ZC4H2: variants seen among roughly 807,000 people sequenced by gnomAD.
The protein encoded by ZC4H2 is zinc finger C4H2 domain-containing protein.
For synonymous variants in ZC4H2, 84 were observed against 66.3 expected (o/e 1.27, Z -1.30); for missense variants, 137 against 173.9 (o/e 0.79, Z 1.19).
chrX:64,926,962 C>T (rs1295791322), intron 1 of ZC4H2, among the ~76,000 whole-genome samples: 1 of 111,513 alleles, frequency 9.0e-6, no homozygotes, highest in Non-Finnish European at 1.9e-5. Flanking sequence ...TATTTGTTTT[C>T]TCACTGTTGA....
At chrX:64,948,855 T>C (rs760117627) in intron 1 of ZC4H2, among the ~76,000 whole-genome samples, 4 of 112,200 alleles carry the variant, frequency 3.6e-5, no homozygotes, top group African/African-American at 1.3e-4. Flanking sequence ...TAAATGATTG[T>C]TTTAAATTAC....
intron 1 of ZC4H2, among the ~76,000 whole-genome samples, chrX:64,943,077 C>G (rs963342408): frequency 9.0e-6 from 1 of 111,599 alleles, no homozygotes; most frequent in Non-Finnish European, 1.9e-5. Context: ...CTCTAATGAC[C>G]AGTGATGATG....
At chrX:64,968,829 A>G (rs896848798) in intron 1 of ZC4H2, among the ~76,000 whole-genome samples, 5 of 111,215 alleles carry the variant, frequency 4.5e-5, no homozygotes, top group African/African-American at 1.6e-4. Context: ...TAATTTGTAA[A>G]GAACAAAAAT....
chrX:65,008,816 G>A (rs1195645905), intron 1 of ZC4H2, among the ~76,000 whole-genome samples: 4 of 111,729 alleles, frequency 3.6e-5, no homozygotes, highest in Non-Finnish European at 7.5e-5. Flanking sequence ...TGGAAGGGTA[G>A]TGTGGAGGTT....
chrX:64,934,303 T>C (rs1288648530), intron 1 of ZC4H2, among the ~76,000 whole-genome samples: 11 of 112,464 alleles, frequency 9.8e-5, no homozygotes, highest in Non-Finnish European at 1.7e-4. Context: ...GCCTGAAGAT[T>C]CAATTTTTGG....
chrX:64,974,853 A>G (rs1391486110), intron 1 of ZC4H2, among the ~76,000 whole-genome samples: 4 of 107,716 alleles, frequency 3.7e-5, no homozygotes, highest in Non-Finnish European at 7.7e-5. Context: ...GCTTGGTGAG[A>G]GTGGAAGTCT....
At chrX:64,988,469 A>G (rs994568322) in intron 1 of ZC4H2, among the ~76,000 whole-genome samples, 1 of 111,326 alleles carries the variant, frequency 9.0e-6, no homozygotes, top group African/African-American at 3.3e-5. Flanking sequence ...TTTGATTTGC[A>G]TTTCTCTGAT....
intron 1 of ZC4H2, among the ~76,000 whole-genome samples, chrX:64,975,297 CAAG>C (rs900407527): frequency 9.0e-6 from 1 of 111,344 alleles, no homozygotes; most frequent in African/African-American, 3.3e-5. Flanking sequence ...TGCAACCCCT[CAAG>C]AAGAAGAAGA....
At chrX:64,961,603 T>A (rs963833589) in intron 1 of ZC4H2, among the ~76,000 whole-genome samples, 4 of 109,796 alleles carry the variant, frequency 3.6e-5, no homozygotes, top group Admixed American at 9.8e-5. Context: ...ATAAGCCAAA[T>A]AAAGAATCAA....
intron 1 of ZC4H2, among the ~76,000 whole-genome samples, chrX:64,957,959 C>A (rs1931222944): frequency 8.9e-6 from 1 of 112,016 alleles, no homozygotes; most frequent in African/African-American, 3.2e-5. Flanking sequence ...TGTCTCCCAA[C>A]TCTACATCTT....
intron 1 of ZC4H2, among the ~76,000 whole-genome samples, chrX:64,960,653 A>T (rs774288850): frequency 8.7e-4 from 98 of 112,461 alleles, no homozygotes; most frequent in Non-Finnish European, 1.6e-3. Flanking sequence ...GAATACAAAT[A>T]CATGCAGCAA....
intron 1 of ZC4H2, among the ~76,000 whole-genome samples, chrX:64,946,806 A>C (rs1445674715): frequency 9.0e-6 from 1 of 111,537 alleles, no homozygotes; most frequent in African/African-American, 3.3e-5. Flanking sequence ...TAAATGTTTC[A>C]TTCATTTCTT....
rs939628207 is a variant in ZC4H2 at position 64,992,793 on chromosome X, C to T, written c.-272+41836G>A. Among the ~76,000 whole-genome samples the T allele has an allele frequency of 1.3e-4, 14 of 111,537 alleles. 1 individual carries two copies. In the Admixed American group the frequency reaches 1.3e-3, roughly 11 times the overall value. ...TCGTCATTCTCCAACCTGCTTTTAC[C>T]GTCTGCTAACACCCTTACTTAAGAC... On this transcript the variant is annotated intron_variant, in intron 1 of 4. Transcript: ENST00000337990.
At chrX:65,021,782 G>C (rs1170215962) in intron 1 of ZC4H2, among the ~76,000 whole-genome samples, 1 of 110,889 alleles carries the variant, frequency 9.0e-6, no homozygotes, top group African/African-American at 3.3e-5. Context: ...CCACAAGCCA[G>C]ACTAATAAAG....
At position 64,994,024 on chromosome X, in the gene ZC4H2, G is replaced by A. The variant is rs768698293; in HGVS notation, c.-272+40605C>T. On this transcript the variant is annotated intron_variant, in intron 1 of 4. Transcript: ENST00000337990. ...AAGATAATTATTTCCCATGAAAAAG[G>A]TCTATATCAGAATTTTAAAATGTTT... Among the ~76,000 whole-genome samples, 65 of 111,832 alleles carry A rather than the reference G, an allele frequency of 5.8e-4. 1 individual carries two copies. The highest frequency in any genetic ancestry group is 2.6e-3 in the South Asian group (7 of 2,656).
At chrX:64,976,532 G>C (rs1464982165), upstream of ZC4H2, 6 of 536,736 alleles carry the variant, frequency 1.1e-5, no homozygotes, top group Non-Finnish European at 1.9e-5. Flanking sequence ...CGGAGCTTCA[G>C]GGCCAGCCAG....
At chrX:65,032,626 G>A (rs994606184) in intron 1 of ZC4H2, among the ~76,000 whole-genome samples, 58 of 111,221 alleles carry the variant, frequency 5.2e-4, no homozygotes, top group Non-Finnish European at 1.0e-3. Context: ...ACTCTTTTTC[G>A]CCTTTCCAAT....
rs373144164 is a variant in ZC4H2 at position 64,948,318 on chromosome X, A to G, written c.54-26330T>C. On this transcript the variant is annotated intron_variant, in intron 1 of 4. Coordinates refer to ENST00000374839, the MANE Select transcript of ZC4H2 (RefSeq NM_018684.4). ...GAGGGCTCTTACACCTGACTGGGTC[A>G]GAAAAAAACTGGCAGTAAATGGCAA... 9.5e-4 allele frequency among the ~76,000 whole-genome samples: 106 copies of G among 111,615 alleles called. No individual in the cohort carries two copies. In the South Asian group the frequency reaches 0.015, roughly 16 times the overall value.
chrX:64,938,222 A>C (rs748391380), intron 1 of ZC4H2, among the ~76,000 whole-genome samples: 9 of 111,951 alleles, frequency 8.0e-5, no homozygotes, highest in Non-Finnish European at 1.5e-4. Context: ...ACACCCCCTC[A>C]AGTCTAAACC....
Sources: allele counts gnomAD v4.1 joint callset (sites outside exome capture counted in the v4.1 genomes callset), GRCh38; gene constraint gnomAD v4.1.1; transcripts MANE v1.5; gene names NCBI Gene and HGNC (gene_info 2026-07-23, HGNC 2026-07-21).